SEPTIN9: variants seen among roughly 807,000 people sequenced by gnomAD.
SEPTIN9 encodes septin 9, also known as septin-9.
SEPTIN9 carries 13 observed loss-of-function variants against 56.6 expected under a neutral mutation model. The ratio of observed to expected loss-of-function variants is 0.23; its 90% CI spans 0.15 to 0.37. SEPTIN9 has a LOEUF of 0.37. Among genes scored for constraint, SEPTIN9 ranks in the 10% least tolerant of loss-of-function variants. The probability of loss-of-function intolerance (pLI) is 1.00; values close to 1 mark genes in which losing one functional copy is unlikely to be tolerated. For missense variants in SEPTIN9, 650 were observed against 823.1 expected (o/e 0.79, Z 2.57); for synonymous variants, 332 against 334.1 (o/e 0.99, Z 0.07).
In SEPTIN9 at chr17:77,346,875, C is replaced by T. The variant is rs117851140; in HGVS notation, c.76+39678C>T. On this transcript the variant is annotated intron_variant, in intron 2 of 11. Transcript: ENST00000427177. ...TATTGGCTCATGAGGGCAGAGTCATCGTGAATGGGATTAGTCCCTTCTGCC... is the reference window on the plus strand; with the variant it reads ...TATTGGCTCATGAGGGCAGAGTCATTGTGAATGGGATTAGTCCCTTCTGCC... Among the ~76,000 whole-genome samples the T allele has an allele frequency of 4.2e-4, 64 of 152,150 alleles. 2 individuals are homozygous for T. In the East Asian group the frequency reaches 0.011, roughly 26 times the overall value.
Position 77,476,176 on chromosome 17 carries a change from G to C in SEPTIN9, c.722-5968G>C, listed in dbSNP as rs550157289. On this transcript the variant is annotated intron_variant, in intron 3 of 11. Transcript: ENST00000427177. This position sits in a 1 kb window ranked among gnomAD's most constrained non-coding sequence, Gnocchi z 6.0. ...ACCAGGCAGCATGACACACAGGGAG[G>C]GGTAGGCAGAGAAGGGCGGCCCCTG... 5.3e-5 allele frequency among the ~76,000 whole-genome samples: 8 copies of C among 152,292 alleles called. No individual in the cohort carries two copies. The East Asian group carries it at 1.4e-3, about 26-fold the overall frequency.
rs199635011 is a variant in SEPTIN9 at position 77,475,906 on chromosome 17, G to A, written c.722-6238G>A. The stretch of plus-strand genomic sequence containing the variant: ...CACCATTGGCAGTGACAGACAAGGT[G>A]TGTGGGGATGTGGCCATTTCGGTCC... On this transcript the variant is annotated intron_variant, in intron 3 of 11. Transcript: ENST00000427177. The surrounding 1 kb of genome is among the most constrained non-coding windows in gnomAD (Gnocchi z 4.6). 11 of 1,606,740 alleles carry A rather than the reference G, an allele frequency of 6.8e-6. No individual in the cohort carries two copies. The Admixed American group carries it at 1.3e-4, about 20-fold the overall frequency.
At chr17:77,491,792 C>T (rs1330584656) in intron 8 of SEPTIN9, among the ~76,000 whole-genome samples, 26 of 124,848 alleles carry the variant, frequency 2.1e-4, no homozygotes, top group African/African-American at 7.7e-4. Context: ...GGTGACAGAG[C>T]GAGACTCCAT....
Position 77,405,274 on chromosome 17 carries a change from G to A in SEPTIN9, c.721+2571G>A. 1.4e-6 allele frequency: 1 copy of A among 718,438 alleles called. No homozygotes were observed. The highest frequency in any genetic ancestry group is 2.8e-5 in the East Asian group (1 of 36,018). 44.5% of individuals were successfully genotyped at this position (718,438 alleles called of 1,614,324 possible). On this transcript the variant is annotated intron_variant, in intron 3 of 11. Transcript: ENST00000427177. The surrounding 1 kb of genome is among the most constrained non-coding windows in gnomAD (Gnocchi z 5.8). ...CAACCTGCGGGCTCTGCTTTCTGGAGCTCACCGAGCCGTGAGCAGGATGGC... is the reference window on the plus strand; with the variant it reads ...CAACCTGCGGGCTCTGCTTTCTGGAACTCACCGAGCCGTGAGCAGGATGGC...
chr17:77,343,535 A>G (rs190212893), intron 2 of SEPTIN9, among the ~76,000 whole-genome samples: 33 of 152,320 alleles, frequency 2.2e-4, no homozygotes, highest in Admixed American at 2.0e-3. Context: ...GGGTTCTGTG[A>G]GTCACTCAAG....
chr17:77,445,668 C>G lies in SEPTIN9; in HGVS notation c.722-36476C>G. The G allele has an allele frequency of 3.0e-6, 1 of 336,218 alleles. No individual in the cohort carries two copies. Among genetic ancestry groups the G allele is most frequent in the Non-Finnish European group, 6.1e-6 (1 of 162,888 alleles). 20.8% of individuals were successfully genotyped at this position (336,218 alleles called of 1,614,324 possible). On this transcript the variant is annotated intron_variant, in intron 3 of 11. Coordinates refer to ENST00000427177, the MANE Select transcript of SEPTIN9 (RefSeq NM_001113491.2). This position sits in a 1 kb window ranked among gnomAD's most constrained non-coding sequence, Gnocchi z 4.7. Reference sequence around the variant, plus strand: ...TCCTAGCAGGTGTCAACCTCCAAGACTGTTCTGGGCTCTTCTCCCAGTTGG... The same window carrying G: ...TCCTAGCAGGTGTCAACCTCCAAGAGTGTTCTGGGCTCTTCTCCCAGTTGG...
At chr17:77,376,566 C>A in intron 2 of SEPTIN9, 1 of 195,844 alleles carries the variant, frequency 5.1e-6, no homozygotes, top group Non-Finnish European at 9.3e-6. Context: ...GCCACGGCAT[C>A]TCTGGGGGCA....
intron 1 of SEPTIN9, among the ~76,000 whole-genome samples, chr17:77,296,724 A>G (rs1351343089): frequency 1.4e-4 from 21 of 152,122 alleles, no homozygotes; most frequent in Admixed American, 1.4e-3. Flanking sequence ...GTGGTGGTGC[A>G]TGTCTGTAAT....
At chr17:77,494,915 G>T (rs925175214) in intron 10 of SEPTIN9, among the ~76,000 whole-genome samples, 6 of 152,240 alleles carry the variant, frequency 3.9e-5, no homozygotes, top group African/African-American at 1.4e-4. Flanking sequence ...GCTGGGTGCA[G>T]CCTGGGTGTT....
chr17:77,481,225 C>G (rs1055849609), intron 3 of SEPTIN9, among the ~76,000 whole-genome samples: 1 of 152,226 alleles, frequency 6.6e-6, no homozygotes. Context: ...GCAGGGCCAT[C>G]GAAGGGACCT....
chr17:77,447,676 G>A (rs1229625602), intron 3 of SEPTIN9, among the ~76,000 whole-genome samples: 1 of 152,274 alleles, frequency 6.6e-6, no homozygotes, highest in East Asian at 1.9e-4. Flanking sequence ...CCAGGCTGGA[G>A]TGCAGTGGCG....
intron 2 of SEPTIN9, among the ~76,000 whole-genome samples, chr17:77,347,165 G>A (rs1257119825): frequency 6.6e-6 from 1 of 152,120 alleles, no homozygotes; most frequent in Non-Finnish European, 1.5e-5. Context: ...ATCACCTGAG[G>A]TCAGGAGTTT....
intron 3 of SEPTIN9, among the ~76,000 whole-genome samples, chr17:77,466,054 T>A (rs2038705263): frequency 7.9e-6 from 1 of 127,386 alleles, no homozygotes; most frequent in South Asian, 2.8e-4. Context: ...TTCTGGACTG[T>A]CACACACACA....
intron 2 of SEPTIN9, among the ~76,000 whole-genome samples, chr17:77,372,674 G>C (rs78536179): frequency 0.031 from 4,722 of 152,304 alleles, 111 homozygotes; most frequent in Non-Finnish European, 0.05. Context: ...CTCCCGGACA[G>C]TGCCTTCTCC....
chr17:77,299,644 A>G (rs2031950025), intron 1 of SEPTIN9, among the ~76,000 whole-genome samples: 1 of 152,230 alleles, frequency 6.6e-6, no homozygotes, highest in African/African-American at 2.4e-5. Context: ...AGAACCCTAT[A>G]TAGGTGAGAC....
chr17:77,445,240 C>G lies in SEPTIN9; in HGVS notation c.722-36904C>G, dbSNP rs1235517071. 2.1e-6 allele frequency: 1 copy of G among 470,736 alleles called. No individual in the cohort carries two copies. 29.2% of individuals were successfully genotyped at this position (470,736 alleles called of 1,614,324 possible). A position where few individuals can be genotyped will look rare whatever the true frequency, so the allele number is the denominator to read the frequency against. Reference sequence around the variant, plus strand: ...CCTCGGGGCGTCACAGCTACAAATGCATACCAGCCCTCAGAACCACATTCC... The same window carrying G: ...CCTCGGGGCGTCACAGCTACAAATGGATACCAGCCCTCAGAACCACATTCC... On this transcript the variant is annotated intron_variant, in intron 3 of 11. Coordinates refer to ENST00000427177, the MANE Select transcript of SEPTIN9 (RefSeq NM_001113491.2). The surrounding 1 kb of genome is among the most constrained non-coding windows in gnomAD (Gnocchi z 4.7).
chr17:77,335,392 A>G (rs1304052098), intron 2 of SEPTIN9, among the ~76,000 whole-genome samples: 1 of 149,816 alleles, frequency 6.7e-6, no homozygotes, highest in Non-Finnish European at 1.5e-5. Flanking sequence ...TGTTGACTGT[A>G]TATGTGGTCC....
chr17:77,312,911 A>G (rs1478990161), intron 2 of SEPTIN9, among the ~76,000 whole-genome samples: 1 of 152,200 alleles, frequency 6.6e-6, no homozygotes, highest in Non-Finnish European at 1.5e-5. Flanking sequence ...CCACATTGCA[A>G]GCGTTCACTG....
At chr17:77,378,117 A>G (rs1390491536) in intron 2 of SEPTIN9, among the ~76,000 whole-genome samples, 1 of 152,138 alleles carries the variant, frequency 6.6e-6, no homozygotes, top group Non-Finnish European at 1.5e-5. Context: ...TCTGGGCTGG[A>G]TGTCCGGGAA....
Sources: allele counts gnomAD v4.1 joint callset (sites outside exome capture counted in the v4.1 genomes callset), GRCh38; gene constraint gnomAD v4.1.1; non-coding constraint Gnocchi (gnomAD v3.1); transcripts MANE v1.5; gene names NCBI Gene and HGNC (gene_info 2026-07-23, HGNC 2026-07-21).